The following ARHGAP26 variants were observed in gnomAD, a reference collection of about 807,000 sequenced individuals.
ARHGAP26 encodes Rho GTPase activating protein 26.
Under a neutral mutation model 104.8 loss-of-function variants are expected in ARHGAP26, and 38 were observed. The observed-to-expected ratio is 0.36, with a 90% CI of 0.28 to 0.48. ARHGAP26 has a LOEUF of 0.48. Among genes scored for constraint, ARHGAP26 ranks in the 20% least tolerant of loss-of-function variants. The pLI is 0.99. For synonymous variants in ARHGAP26, 341 were observed against 340.0 expected, an observed-to-expected ratio of 1.00 and a Z score of -0.03; for missense variants, 704 against 947.9, an observed-to-expected ratio of 0.74 and a Z score of 3.38.
intron 17 of ARHGAP26, among the ~76,000 whole-genome samples, chr5:143,109,229 G>C (rs554408652): frequency 6.6e-6 from 1 of 152,250 alleles, no homozygotes; most frequent in Non-Finnish European, 1.5e-5. Flanking sequence ...CTTCCACCAG[G>C]CTTCCCAGTA....
intron 20 of ARHGAP26, among the ~76,000 whole-genome samples, chr5:143,193,240 C>CTTTTTT (rs57462040): frequency 0.018 from 1,365 of 74,622 alleles, 15 homozygotes; most frequent in African/African-American, 0.033. Flanking sequence ...ATTTTCTTTT[C>CTTTTTT]TTTTTTTTTT....
chr5:143,192,982 T>C (rs1806167894), intron 20 of ARHGAP26, among the ~76,000 whole-genome samples: 1 of 152,216 alleles, frequency 6.6e-6, no homozygotes, highest in Admixed American at 6.5e-5. Flanking sequence ...TTTGCTTTCC[T>C]TGGCTTCAGT....
rs35244313 is a variant in ARHGAP26 at position 143,221,923 on chromosome 5, TGGAAGGAA to T, written c.2192-415_2192-408del. ...CTGGGCAGGTGGGTGGGTGGATGGATGGAAGGAAGGAAGGAAGGAAGGAAGGATGGAAG... is the reference window on the plus strand; with the variant it reads ...CTGGGCAGGTGGGTGGGTGGATGGATGGAAGGAAGGAAGGAAGGATGGAAG... On this transcript the variant is annotated intron_variant, in intron 22 of 22. Transcript: ENST00000645722. Among the ~76,000 whole-genome samples the T allele has an allele frequency of 3.9e-3, 590 of 150,316 alleles. 5 individuals carry two copies. Among genetic ancestry groups the T allele is most frequent in the African/African-American group, 0.014 (566 of 40,712 alleles).
chr5:142,912,972 C>T (rs1598208745), intron 9 of ARHGAP26, among the ~76,000 whole-genome samples: 1 of 152,294 alleles, frequency 6.6e-6, no homozygotes, highest in African/African-American at 2.4e-5. Flanking sequence ...CATCATGATC[C>T]ACCCGTACTA....
intron 20 of ARHGAP26, among the ~76,000 whole-genome samples, chr5:143,199,136 A>G (rs1007129950): frequency 3.3e-5 from 5 of 152,242 alleles, no homozygotes; most frequent in Admixed American, 2.0e-4. Flanking sequence ...ATGTTAAATT[A>G]TATTAGATGA....
At chr5:143,004,354 A>G (rs1053501375) in intron 11 of ARHGAP26, among the ~76,000 whole-genome samples, 1 of 152,218 alleles carries the variant, frequency 6.6e-6, no homozygotes, top group African/African-American at 2.4e-5. Flanking sequence ...AAGCCACAGC[A>G]TGCTCCATCC....
rs1452058053 is a variant in ARHGAP26 at position 143,227,503 on chromosome 5, C to T, written c.*5057C>T. 4.3e-6 allele frequency: 1 copy of T among 231,078 alleles called. No homozygotes were observed. The highest frequency in any genetic ancestry group is 5.6e-5 in the Admixed American group (1 of 17,710). 14.3% of individuals were successfully genotyped at this position (231,078 alleles called of 1,614,324 possible). ...ATCGGCTGGGTGCTGAACCGCCTCT[C>T]TGTAATTGTAGCATCAAAATGACAA... On this transcript the variant is annotated 3_prime_UTR_variant, in exon 23 of 23. Transcript: ENST00000645722.
chr5:143,103,144 G>C (rs1793497629), intron 17 of ARHGAP26: 1 of 615,668 alleles, frequency 1.6e-6, no homozygotes, highest in South Asian at 7.2e-5. Flanking sequence ...TCCTTGCCTG[G>C]TATGTCGTCT....
rs547201859 is a variant in ARHGAP26, at chr5:143,214,503, A to G, written c.2191+415A>G. ...CATCATCATTGTATCCATCTTCGAA[A>G]AAGGCCCTGATGCTCTCATAGTTCA... On this transcript the variant is annotated intron_variant, in intron 22 of 22. Coordinates refer to ENST00000645722, the MANE Select transcript of ARHGAP26 (RefSeq NM_001135608.3). 6.3e-4 allele frequency among the ~76,000 whole-genome samples: 96 copies of G among 152,324 alleles called. 1 individual carries two copies. Among genetic ancestry groups the G allele is most frequent in the African/African-American group, 2.1e-3 (87 of 41,570 alleles).
At chr5:142,888,606 G>T (rs992751894) in intron 5 of ARHGAP26, among the ~76,000 whole-genome samples, 1 of 152,112 alleles carries the variant, frequency 6.6e-6, no homozygotes, top group Admixed American at 6.6e-5. Flanking sequence ...GGTTCTGCAC[G>T]GAATGCTTTT....
intron 11 of ARHGAP26, among the ~76,000 whole-genome samples, chr5:142,970,085 T>G (rs113122616): frequency 6.2e-4 from 94 of 152,346 alleles, no homozygotes; most frequent in Non-Finnish European, 1.2e-3. Flanking sequence ...TTAGTCATGT[T>G]AAGCAGATGA....
At position 143,210,233 on chromosome 5, in the gene ARHGAP26, A is replaced by G. The variant is rs888062120; in HGVS notation, c.2099+2925A>G. Among the ~76,000 whole-genome samples, 6 of 152,314 alleles carry G rather than the reference A, an allele frequency of 3.9e-5. No individual in the cohort carries two copies. The East Asian group carries it at 1.2e-3, about 29-fold the overall frequency. ...GGCAGAAGGCAAGGAGGAGGAAGTC[A>G]CGTCTTTCATGGATGGCGGCAGGCA... On this transcript the variant is annotated intron_variant, in intron 21 of 22. Transcript: ENST00000645722.
chr5:142,799,681 C>T (rs1180256997), intron 1 of ARHGAP26, among the ~76,000 whole-genome samples: 1 of 152,160 alleles, frequency 6.6e-6, no homozygotes, highest in African/African-American at 2.4e-5. Context: ...GAGGGGTCTG[C>T]TTTCTGTGTC....
rs193116963 is a variant in ARHGAP26 at position 143,089,129 on chromosome 5, C to T, written c.1538+31382C>T. Among the ~76,000 whole-genome samples the T allele has an allele frequency of 2.6e-3, 396 of 152,352 alleles. 2 individuals carry two copies. Among genetic ancestry groups the T allele is most frequent in the Non-Finnish European group, 4.7e-3 (321 of 68,042 alleles). On this transcript the variant is annotated intron_variant, in intron 17 of 22. Coordinates refer to ENST00000645722, the MANE Select transcript of ARHGAP26 (RefSeq NM_001135608.3). ...TAAAACTTATATCTAACAATCCCTC[C>T]TCTTGCATTTCCTTACAGCTTTCTT...
intron 17 of ARHGAP26, among the ~76,000 whole-genome samples, chr5:143,077,100 G>A (rs969245553): frequency 3.9e-5 from 6 of 152,154 alleles, no homozygotes; most frequent in East Asian, 1.9e-4. Flanking sequence ...ATTTTGGATC[G>A]ATGGCTAGAT....
intron 19 of ARHGAP26, among the ~76,000 whole-genome samples, chr5:143,138,193 G>A (rs1798113258): frequency 1.3e-5 from 2 of 152,206 alleles, no homozygotes; most frequent in South Asian, 4.1e-4. Flanking sequence ...ACGTAAAGCT[G>A]TGGTCTATTC....
chr5:142,771,178 C>G, intron 1 of ARHGAP26: 1 of 1,284,618 alleles, frequency 7.8e-7, no homozygotes, highest in Non-Finnish European at 9.8e-7. Flanking sequence ...TGGGGCAGCG[C>G]GGGTGGGCGT....
chr5:142,791,583 C>T (rs1462127636), intron 1 of ARHGAP26, among the ~76,000 whole-genome samples: 4 of 152,048 alleles, frequency 2.6e-5, no homozygotes, highest in East Asian at 1.9e-4. Flanking sequence ...TTGACAAAGC[C>T]GTTTGTTTGT....
At chr5:142,878,613 T>G (rs1338006553) in intron 3 of ARHGAP26, among the ~76,000 whole-genome samples, 1 of 151,818 alleles carries the variant, frequency 6.6e-6, no homozygotes, top group Non-Finnish European at 1.5e-5. Context: ...GGGAGGGAAG[T>G]TGAGTTATGT....
Sources: allele counts gnomAD v4.1 joint callset (sites outside exome capture counted in the v4.1 genomes callset), GRCh38; gene constraint gnomAD v4.1.1; transcripts MANE v1.5; gene names NCBI Gene and HGNC (gene_info 2026-07-23, HGNC 2026-07-21).